PDGFD: variants seen among roughly 807,000 people sequenced by gnomAD.
The protein encoded by PDGFD is platelet derived growth factor D.
In PDGFD, 30 loss-of-function variants were observed where a neutral mutation model predicts 44.7. The ratio of observed to expected loss-of-function variants is 0.67; its 90% CI spans 0.50 to 0.91. The LOEUF (loss-of-function observed/expected upper bound fraction) is 0.91, where lower values mean the gene tolerates loss of function less well. PDGFD is among the 40% of genes least tolerant of loss of function. The pLI, the probability that PDGFD is intolerant of heterozygous loss-of-function variation, is 0.00. For synonymous variants in PDGFD, 173 were observed against 168.4 expected, an observed-to-expected ratio of 1.03 and a Z score of -0.21; for missense variants, 445 against 457.8, an observed-to-expected ratio of 0.97 and a Z score of 0.25.
intron 3 of PDGFD, among the ~76,000 whole-genome samples, chr11:103,992,630 G>A (rs980606826): frequency 6.6e-6 from 1 of 152,174 alleles, no homozygotes; most frequent in Admixed American, 6.5e-5. Context: ...TGCCCTGGGT[G>A]GGCACTGTGA....
chr11:103,960,170 A>G (rs1858914181), intron 3 of PDGFD, among the ~76,000 whole-genome samples: 1 of 152,186 alleles, frequency 6.6e-6, no homozygotes. Context: ...ATTCATCCAA[A>G]CCAAATACAA....
intron 1 of PDGFD, among the ~76,000 whole-genome samples, chr11:104,021,843 A>G (rs1426642218): frequency 6.6e-6 from 1 of 152,198 alleles, no homozygotes; most frequent in Non-Finnish European, 1.5e-5. Flanking sequence ...TGAGATGGAT[A>G]GCATTGGTGG....
At position 104,079,313 on chromosome 11, in the gene PDGFD, A is replaced by G. The variant is rs1392478261; in HGVS notation, c.125-79058T>C. ...TCCTCTCCACCTCCCTTTTAAAATTATCAGGTTCTTACCCTGAATTTTTTT... is the reference window on the plus strand; with the variant it reads ...TCCTCTCCACCTCCCTTTTAAAATTGTCAGGTTCTTACCCTGAATTTTTTT... On this transcript the variant is annotated intron_variant, in intron 1 of 6. Transcript: ENST00000393158. Among the ~76,000 whole-genome samples the G allele has an allele frequency of 3.3e-5, 5 of 152,276 alleles. No homozygotes were observed. The East Asian group carries it at 7.7e-4, about 24-fold the overall frequency.
intron 3 of PDGFD, among the ~76,000 whole-genome samples, chr11:103,995,027 C>T (rs1859515222): frequency 6.6e-6 from 1 of 151,978 alleles, no homozygotes; most frequent in Admixed American, 6.6e-5. Flanking sequence ...TGTAAGCACA[C>T]ACCACTAAAC....
intron 1 of PDGFD, among the ~76,000 whole-genome samples, chr11:104,047,599 A>G (rs894567899): frequency 4.8e-5 from 7 of 147,150 alleles, no homozygotes; most frequent in African/African-American, 1.5e-4. Context: ...TGCAGGTTAC[A>G]TTATTTTTTA....
chr11:104,070,888 G>C (rs1376481229), intron 1 of PDGFD, among the ~76,000 whole-genome samples: 2 of 152,080 alleles, frequency 1.3e-5, no homozygotes, highest in Non-Finnish European at 2.9e-5. Flanking sequence ...TGTTGGAGTT[G>C]CATGTTCAGA....
At chr11:104,099,287 A>G (rs1861333849) in intron 1 of PDGFD, among the ~76,000 whole-genome samples, 1 of 152,194 alleles carries the variant, frequency 6.6e-6, no homozygotes, top group Admixed American at 6.6e-5. Flanking sequence ...TTAGATATCT[A>G]TCCTAAATAA....
At position 103,996,170 on chromosome 11, in the gene PDGFD, T is replaced by A. The variant is rs527632937; in HGVS notation, c.405A>T (p.Glu135Asp). ...TTCTTGATTTTATCCTTGGAGGAAC[T>A]TCCTTGTGTCCACACCATCGTCCTC... ...IIRGRWCGHK[E>D]VPPRIKSRTN... Residue 135 changes from glutamate (E) to aspartate (D), a missense_variant, in exon 3 of 7, where the codon GAA becomes GAT. Glu to Asp is a conservative substitution (Grantham distance 45). Transcript: ENST00000393158. 1 of 1,613,616 alleles carries A rather than the reference T, an allele frequency of 6.2e-7. No individual in the cohort carries two copies. The highest frequency in any genetic ancestry group is 2.2e-5 in the East Asian group (1 of 44,808).
intron 1 of PDGFD, among the ~76,000 whole-genome samples, chr11:104,076,605 GA>G (rs968776235): frequency 2.0e-5 from 3 of 150,526 alleles, no homozygotes; most frequent in East Asian, 1.9e-4. Context: ...AGGAAGCTTT[GA>G]AAAAAAAATC....
At chr11:104,141,694 T>C (rs532581603) in intron 1 of PDGFD, among the ~76,000 whole-genome samples, 51 of 152,006 alleles carry the variant, frequency 3.4e-4, no homozygotes, top group Non-Finnish European at 7.4e-4. Context: ...CCTATATGAG[T>C]GAAGCTAGGG....
chr11:103,947,513 T>C, intron 4 of PDGFD, 149 bp downstream of exon 4: 1 of 650,196 alleles, frequency 1.5e-6, no homozygotes. Flanking sequence ...TAATCCATTG[T>C]AACCTGAATG....
chr11:104,150,701 G>GA (rs1436829601), intron 1 of PDGFD, among the ~76,000 whole-genome samples: 1 of 152,062 alleles, frequency 6.6e-6, no homozygotes, highest in Non-Finnish European at 1.5e-5. Context: ...CTTGGCTTGT[G>GA]GATGCATTAC....
chr11:103,981,990 T>G (rs749049335), intron 3 of PDGFD, among the ~76,000 whole-genome samples: 4 of 151,760 alleles, frequency 2.6e-5, no homozygotes, highest in Non-Finnish European at 5.9e-5. Context: ...GAGACTGACT[T>G]CAGAATCAGA....
intron 1 of PDGFD, among the ~76,000 whole-genome samples, chr11:104,155,738 A>G (rs1028572721): frequency 5.3e-5 from 8 of 152,348 alleles, no homozygotes; most frequent in African/African-American, 1.9e-4. Flanking sequence ...CATTTTCCAC[A>G]GCTGAGTCTG....
intron 1 of PDGFD, among the ~76,000 whole-genome samples, chr11:104,119,860 TTA>T (rs201095199): frequency 0.15 from 15,618 of 104,922 alleles, 1,219 homozygotes; most frequent in East Asian, 0.43. Flanking sequence ...TATAATTATA[TTA>T]TATATATAAT....
chr11:104,141,848 C>G (rs779802109), intron 1 of PDGFD, among the ~76,000 whole-genome samples: 1 of 152,234 alleles, frequency 6.6e-6, no homozygotes, highest in African/African-American at 2.4e-5. Flanking sequence ...CTTACTGATA[C>G]CCCTATTTCG....
At chr11:104,090,296 AG>A (rs60729269) in intron 1 of PDGFD, among the ~76,000 whole-genome samples, 17,584 of 151,680 alleles carry the variant, frequency 0.12, 1,112 homozygotes, top group East Asian at 0.19. Context: ...AGCATATATA[AG>A]ATCTCTTTTA....
In PDGFD at chr11:104,000,544, C is replaced by A. The variant is rs1025147821; in HGVS notation, c.125-289G>T. Reference sequence around the variant, plus strand: ...GTTTAATGACCCTTTATTTTGTATTCAATTGATATTCTCCGATGGGTAACC... The same window carrying A: ...GTTTAATGACCCTTTATTTTGTATTAAATTGATATTCTCCGATGGGTAACC... On this transcript the variant is annotated intron_variant, in intron 1 of 6. Coordinates refer to ENST00000393158, the MANE Select transcript of PDGFD (RefSeq NM_025208.5). Among the ~76,000 whole-genome samples the A allele has an allele frequency of 2.0e-5, 3 of 150,458 alleles. No homozygotes were observed. The Admixed American group carries it at 2.0e-4, about 10-fold the overall frequency.
intron 1 of PDGFD, among the ~76,000 whole-genome samples, chr11:104,129,019 C>G (rs561476392): frequency 6.6e-6 from 1 of 152,196 alleles, no homozygotes; most frequent in South Asian, 2.1e-4. Flanking sequence ...GACCACCGGC[C>G]TTATAGTAAA....
Sources: gnomAD v4.1 joint callset for allele counts (sites outside exome capture counted in the v4.1 genomes callset) on GRCh38, gnomAD v4.1.1 for gene constraint, MANE v1.5 for transcripts, NCBI Gene and HGNC (gene_info 2026-07-23, HGNC 2026-07-21) for gene names.